The following CCDC33 variants were observed in gnomAD, a reference collection of about 807,000 sequenced individuals.
The protein encoded by CCDC33 is coiled-coil domain-containing protein 33.
A neutral mutation model predicts 91.9 loss-of-function variants in CCDC33; 94 were observed. The observed-to-expected ratio is 1.02, with a 90% confidence interval of 0.87 to 1.21. CCDC33 has a LOEUF of 1.21. CCDC33 is among the 50% of genes most tolerant of loss of function. The pLI, the probability that CCDC33 is intolerant of heterozygous loss-of-function variation, is 0.00. For synonymous variants in CCDC33, 396 were observed against 374.5 expected, an observed-to-expected ratio of 1.06 and a Z score of -0.66; for missense variants, 940 against 935.5, an observed-to-expected ratio of 1.00 and a Z score of -0.06.
At chr15:74,322,985 C>T (rs1368627065) in intron 11 of CCDC33, among the ~76,000 whole-genome samples, 1 of 152,200 alleles carries the variant, frequency 6.6e-6, no homozygotes, top group Non-Finnish European at 1.5e-5. Flanking sequence ...AGGCCTCCTT[C>T]TCTGGGAGAG....
chr15:74,221,410 C>A, intron 2 of CCDC33: 1 of 765,564 alleles, frequency 1.3e-6, no homozygotes, highest in Non-Finnish European at 1.6e-6. Context: ...GGCTTTGAAT[C>A]AGAATCATTT....
chr15:74,286,378 G>A (rs1463131353), intron 10 of CCDC33, among the ~76,000 whole-genome samples: 1 of 152,026 alleles, frequency 6.6e-6, no homozygotes, highest in Non-Finnish European at 1.5e-5. Flanking sequence ...GTGTGATGTG[G>A]TCTCTGGGGA....
intron 2 of CCDC33, among the ~76,000 whole-genome samples, chr15:74,249,243 T>C (rs941328532): frequency 6.6e-6 from 1 of 152,032 alleles, no homozygotes; most frequent in Non-Finnish European, 1.5e-5. Context: ...TCCCAGCACT[T>C]TGGGAGGCCG....
intron 11 of CCDC33, among the ~76,000 whole-genome samples, chr15:74,320,996 G>T (rs74768059): frequency 0.025 from 3,878 of 152,214 alleles, 160 homozygotes; most frequent in African/African-American, 0.09. Flanking sequence ...GCATTGGCCC[G>T]TGTGTTTCTG....
chr15:74,312,484 G>A (rs112340831), intron 11 of CCDC33, among the ~76,000 whole-genome samples: 98 of 152,280 alleles, frequency 6.4e-4, no homozygotes, highest in African/African-American at 2.2e-3. Context: ...CAGATCCAGC[G>A]AGACATCGGT....
rs1201242197 is a variant in CCDC33, at chr15:74,331,060, G to A, written c.1625G>A (p.Gly542Asp). ...GCCGCTCTGCTGAAGCAGTACCAGG[G>A]CAAGCTGCAGAAGATGAAGGCGCTG... ...PQAALLKQYQGKLQKMKALEE... is the reference protein window; with the variant it reads ...PQAALLKQYQDKLQKMKALEE... The change falls in exon 14 of 19, where the codon GGC becomes GAC. Residue 542 changes from glycine to aspartate, a missense_variant. Transcript: ENST00000398814. 6.2e-7 allele frequency: 1 copy of A among 1,613,512 alleles called. No individual in the cohort carries two copies. Among genetic ancestry groups the A allele is most frequent in the African/African-American group, 1.3e-5 (1 of 75,052 alleles).
intron 11 of CCDC33, among the ~76,000 whole-genome samples, chr15:74,306,200 G>C: frequency 6.6e-6 from 1 of 152,178 alleles, no homozygotes; most frequent in East Asian, 1.9e-4. Flanking sequence ...TGCTCAAGAA[G>C]TCCCAATTGA....
At chr15:74,310,595 G>C (rs891367274) in intron 11 of CCDC33, among the ~76,000 whole-genome samples, 37 of 152,162 alleles carry the variant, frequency 2.4e-4, no homozygotes, top group Non-Finnish European at 5.0e-4. Context: ...GCCTGAGGTG[G>C]TCAGGGGGCA....
intron 11 of CCDC33, among the ~76,000 whole-genome samples, chr15:74,306,218 G>A (rs2142708844): frequency 6.6e-6 from 1 of 152,326 alleles, no homozygotes; most frequent in East Asian, 1.9e-4. Flanking sequence ...TGAGCAGGGA[G>A]ACACATCAAG....
chr15:74,227,918 G>A (rs1160986508), intron 2 of CCDC33, among the ~76,000 whole-genome samples: 3 of 152,098 alleles, frequency 2.0e-5, no homozygotes, highest in South Asian at 2.1e-4. Context: ...CGGAGGAGAG[G>A]GGGTTCCAAA....
intron 2 of CCDC33, among the ~76,000 whole-genome samples, chr15:74,210,485 A>G (rs976801791): frequency 6.6e-6 from 1 of 152,208 alleles, no homozygotes; most frequent in Non-Finnish European, 1.5e-5. Flanking sequence ...AGGTAGACAT[A>G]TGTGTATGTA....
chr15:74,287,313 C>T (rs1199262466), intron 10 of CCDC33, among the ~76,000 whole-genome samples: 2 of 152,154 alleles, frequency 1.3e-5, no homozygotes, highest in African/African-American at 4.8e-5. Flanking sequence ...AGAGAGAGAC[C>T]CTTTCCCTGC....
At chr15:74,248,208 G>A (rs2075596995) in intron 2 of CCDC33, among the ~76,000 whole-genome samples, 1 of 152,040 alleles carries the variant, frequency 6.6e-6, no homozygotes, top group African/African-American at 2.4e-5. Flanking sequence ...GATCACTGCG[G>A]AAAGTATATG....
chr15:74,253,850 A>C (rs1167404608), intron 2 of CCDC33, among the ~76,000 whole-genome samples: 1 of 151,886 alleles, frequency 6.6e-6, no homozygotes, highest in Admixed American at 6.6e-5. Context: ...TGGGTTGTCA[A>C]CCCTCTTCAT....
upstream of CCDC33, among the ~76,000 whole-genome samples, chr15:74,213,798 C>T (rs185952224): frequency 2.2e-4 from 33 of 152,228 alleles, no homozygotes; most frequent in East Asian, 6.2e-3. Flanking sequence ...CGTACCCCTG[C>T]GGGGGAAGGG....
intron 2 of CCDC33, among the ~76,000 whole-genome samples, chr15:74,245,990 C>G (rs532353214): frequency 6.6e-6 from 1 of 152,288 alleles, no homozygotes; most frequent in Admixed American, 6.5e-5. Flanking sequence ...TGCTCACCCC[C>G]AGCCCCAGGC....
At position 74,331,063 on chromosome 15, in the gene CCDC33, A is replaced by G; in HGVS notation, c.1628A>G (p.Lys543Arg). ...GCTCTGCTGAAGCAGTACCAGGGCA[A>G]GCTGCAGAAGATGAAGGCGCTGGAG... Reference protein sequence around the residue: ...QAALLKQYQGKLQKMKALEET... With the variant: ...QAALLKQYQGRLQKMKALEET... The change falls in exon 14 of 19, where the codon AAG becomes AGG. Residue 543 changes from lysine to arginine, a missense_variant. Transcript: ENST00000398814. 1 of 1,613,690 alleles carries G rather than the reference A, an allele frequency of 6.2e-7. No homozygotes were observed. The highest frequency in any genetic ancestry group is 8.5e-7 in the Non-Finnish European group (1 of 1,179,760).
intron 2 of CCDC33, among the ~76,000 whole-genome samples, chr15:74,254,549 C>G (rs2075802074): frequency 6.6e-6 from 1 of 152,152 alleles, no homozygotes. Flanking sequence ...GGCTGTGCAT[C>G]CTCCACACAT....
intron 7 of CCDC33, among the ~76,000 whole-genome samples, chr15:74,275,663 T>C (rs1000938476): frequency 2.0e-5 from 3 of 151,908 alleles, no homozygotes; most frequent in African/African-American, 7.3e-5. Flanking sequence ...GACCAGCAGA[T>C]AAGAGGCAGC....
Sources: gnomAD v4.1 joint callset for allele counts (sites outside exome capture counted in the v4.1 genomes callset) on GRCh38, gnomAD v4.1.1 for gene constraint, MANE v1.5 for transcripts, NCBI Gene and HGNC (gene_info 2026-07-23, HGNC 2026-07-21) for gene names.